Variants in ZCCHC14 observed in about 807,000 individuals in gnomAD.
ZCCHC14 encodes the protein zinc finger CCHC domain-containing protein 14.
Under a neutral mutation model 85.0 loss-of-function variants are expected in ZCCHC14, and 16 were observed. That is an observed-to-expected ratio of 0.19 (90% CI 0.13 to 0.29). ZCCHC14 has a LOEUF of 0.29. Ranked by LOEUF, ZCCHC14 falls within the 10% of genes least tolerant of loss-of-function variation. The pLI, the probability that ZCCHC14 is intolerant of heterozygous loss-of-function variation, is 1.00. For missense variants in ZCCHC14, 1,303 were observed against 1,443.5 expected (o/e 0.90, Z 1.58); for synonymous variants, 775 against 630.7 (o/e 1.23, Z -3.43).
chr16:87,490,946 C>T (rs1912728325), intron 1 of ZCCHC14, among the ~76,000 whole-genome samples: 1 of 152,262 alleles, frequency 6.6e-6, no homozygotes, highest in Non-Finnish European at 1.5e-5. Flanking sequence ...AGGGCCTCCA[C>T]CTGTGTGGAG....
rs1463769232 is a variant in ZCCHC14 at position 87,491,365 on chromosome 16, G to A, written c.570+304C>T. Among the ~76,000 whole-genome samples the A allele has an allele frequency of 1.3e-5, 2 of 152,186 alleles. No homozygotes were observed. The highest frequency in any genetic ancestry group is 1.9e-4 in the East Asian group (1 of 5,180). On this transcript the variant is annotated intron_variant, in intron 1 of 12. Transcript: ENST00000671377. The surrounding 1 kb of genome is among the most constrained non-coding windows in gnomAD (Gnocchi z 5.9). ...GCTTAAAGTGCAGACTTAGGGTGAG[G>A]AGTGCGGGCTTAGGATGGGGGCTTG...
intron 3 of ZCCHC14, among the ~76,000 whole-genome samples, chr16:87,427,229 AG>A (rs1214380867): frequency 2.6e-5 from 4 of 152,340 alleles, no homozygotes; most frequent in African/African-American, 9.6e-5. Context: ...CCAACCTTGG[AG>A]GGCAGGGTCT....
At chr16:87,410,363 AT>A (rs1319006094) in intron 12 of ZCCHC14, 28 bp from the exon 13 acceptor site, 3 of 769,156 alleles carry the variant, frequency 3.9e-6, no homozygotes, top group Non-Finnish European at 7.2e-6. Flanking sequence ...AAGAGGTCAA[AT>A]TTGAATGACT....
intron 1 of ZCCHC14, among the ~76,000 whole-genome samples, chr16:87,467,888 T>C (rs1911601421): frequency 6.6e-6 from 1 of 152,184 alleles, no homozygotes; most frequent in African/African-American, 2.4e-5. Flanking sequence ...CCTGACGTCG[T>C]GGTCCGCCCG....
At chr16:87,438,698 G>A (rs1268505541) in intron 2 of ZCCHC14, among the ~76,000 whole-genome samples, 1 of 152,224 alleles carries the variant, frequency 6.6e-6, no homozygotes, top group African/African-American at 2.4e-5. Flanking sequence ...CCCTGCTGGG[G>A]CATTCACACG....
chr16:87,478,851 C>T lies in ZCCHC14; in HGVS notation c.570+12818G>A, dbSNP rs183857563. Among the ~76,000 whole-genome samples the T allele has an allele frequency of 4.7e-3, 719 of 152,062 alleles. 3 individuals are homozygous for T. The highest frequency in any genetic ancestry group is 0.016 in the African/African-American group (676 of 41,484). ...CAAATTCCTGACCTTGTGATCCGCC[C>T]GCCTCGGCCTCCCAAAGTGCTAGGA... On this transcript the variant is annotated intron_variant, in intron 1 of 12. Transcript: ENST00000671377.
intron 1 of ZCCHC14, among the ~76,000 whole-genome samples, chr16:87,466,883 C>T (rs1464939501): frequency 6.6e-6 from 1 of 152,096 alleles, no homozygotes; most frequent in Non-Finnish European, 1.5e-5. Flanking sequence ...CACATCTAAC[C>T]GTGCCCACCA....
chr16:87,417,071 A>AAC (rs1244002569), intron 8 of ZCCHC14, among the ~76,000 whole-genome samples: 4 of 152,118 alleles, frequency 2.6e-5, no homozygotes, highest in Non-Finnish European at 5.9e-5. Context: ...GAAGATGTAA[A>AAC]ATGCACCCAT....
At position 87,420,215 on chromosome 16, in the gene ZCCHC14, G is replaced by T. The variant is rs113165504; in HGVS notation, c.951-338C>A. ...CAGCAGCACATTTACGGAACTGGTC[G>T]GCCATGTTACTTCGTGTGCCACGTG... On this transcript the variant is annotated intron_variant, in intron 5 of 12. Transcript: ENST00000671377. The surrounding 1 kb of genome is among the most constrained non-coding windows in gnomAD (Gnocchi z 5.0). Among the ~76,000 whole-genome samples the T allele has an allele frequency of 6.6e-6, 1 of 152,202 alleles. No individual in the cohort carries two copies. The highest frequency in any genetic ancestry group is 2.4e-5 in the African/African-American group (1 of 41,448).
At chr16:87,423,763 G>C (rs767905289) in intron 4 of ZCCHC14, 47 bp downstream of exon 4, 4 of 1,599,034 alleles carry the variant, frequency 2.5e-6, no homozygotes, top group Non-Finnish European at 3.4e-6. Flanking sequence ...TCAGCCACTG[G>C]GGAATGTGAT....
intron 1 of ZCCHC14, among the ~76,000 whole-genome samples, chr16:87,483,379 T>C (rs184201172): frequency 7.4e-6 from 1 of 134,850 alleles, no homozygotes; most frequent in Admixed American, 7.7e-5. Context: ...TAATCCCAGC[T>C]ACTTGGGTGG....
intron 1 of ZCCHC14, among the ~76,000 whole-genome samples, chr16:87,481,604 G>A (rs1464656485): frequency 6.8e-6 from 1 of 146,752 alleles, no homozygotes; most frequent in Non-Finnish European, 1.5e-5. Flanking sequence ...AAGTACAGGG[G>A]GAAAGAAAGG....
rs528800760 is a variant in ZCCHC14, at chr16:87,433,562, C to G, written c.695-361G>C. Reference sequence around the variant, plus strand: ...CCCTCAAAACCGTTACGAATCTGTCCCAACTTCTGAAAAGGTAATGCTCAG... The same window carrying G: ...CCCTCAAAACCGTTACGAATCTGTCGCAACTTCTGAAAAGGTAATGCTCAG... On this transcript the variant is annotated intron_variant, in intron 2 of 12. Transcript: ENST00000671377. Among the ~76,000 whole-genome samples the G allele has an allele frequency of 9.8e-5, 15 of 152,320 alleles. 1 individual carries two copies. In the South Asian group the frequency reaches 2.3e-3, roughly 23 times the overall value.
intron 4 of ZCCHC14, among the ~76,000 whole-genome samples, chr16:87,422,504 C>T (rs1190045495): frequency 6.6e-6 from 1 of 151,632 alleles, no homozygotes; most frequent in Non-Finnish European, 1.5e-5. Context: ...GAGGACAGAT[C>T]ACCTGAGGTC....
chr16:87,415,655 G>A (rs543828423), intron 8 of ZCCHC14, among the ~76,000 whole-genome samples: 17 of 152,190 alleles, frequency 1.1e-4, no homozygotes, highest in Non-Finnish European at 1.9e-4. Flanking sequence ...ACAGGCTGGC[G>A]GCTCTGCCAA....
intron 1 of ZCCHC14, among the ~76,000 whole-genome samples, chr16:87,490,876 A>G (rs1912724398): frequency 6.6e-6 from 1 of 152,222 alleles, no homozygotes; most frequent in South Asian, 2.1e-4. Flanking sequence ...GTGTCCATAA[A>G]TGAGCTCACA....
intron 2 of ZCCHC14, among the ~76,000 whole-genome samples, chr16:87,441,004 G>GTTT (rs111515378): frequency 5.2e-5 from 7 of 135,262 alleles, no homozygotes; most frequent in Admixed American, 1.5e-4. Flanking sequence ...TTCCCATAAA[G>GTTT]TTTTTTTTTT....
intron 2 of ZCCHC14, among the ~76,000 whole-genome samples, chr16:87,440,555 G>C (rs1322835071): frequency 1.3e-5 from 2 of 152,150 alleles, no homozygotes; most frequent in South Asian, 4.1e-4. Context: ...GAAGTATCCA[G>C]AGGTCACTGG....
At chr16:87,445,595 T>G (rs985682749) in intron 2 of ZCCHC14, among the ~76,000 whole-genome samples, 1 of 152,214 alleles carries the variant, frequency 6.6e-6, no homozygotes, top group African/African-American at 2.4e-5. Flanking sequence ...CAGGCCACCA[T>G]GTGATCAGAT....
Sources: allele counts gnomAD v4.1 joint callset (sites outside exome capture counted in the v4.1 genomes callset), GRCh38; gene constraint gnomAD v4.1.1; non-coding constraint Gnocchi (gnomAD v3.1); transcripts MANE v1.5; gene names NCBI Gene and HGNC (gene_info 2026-07-23, HGNC 2026-07-21).